Variants in ATG16L2 observed in about 807,000 individuals in gnomAD.
ATG16L2 encodes the protein autophagy related 16 like 2.
ATG16L2 carries 77 observed loss-of-function variants against 84.7 expected under a neutral mutation model. That is an observed-to-expected ratio of 0.91 (90% CI 0.76 to 1.10). The LOEUF (loss-of-function observed/expected upper bound fraction) is 1.10, where lower values mean the gene tolerates loss of function less well. Among genes scored for constraint, ATG16L2 ranks in the 50% least tolerant of loss-of-function variants. The pLI, the probability that ATG16L2 is intolerant of heterozygous loss-of-function variation, is 0.00. For missense variants in ATG16L2, 782 were observed against 817.6 expected (o/e 0.96, Z 0.53); for synonymous variants, 361 against 342.8 (o/e 1.05, Z -0.59).
chr11:72,814,438 G>C lies in ATG16L2; in HGVS notation c.-8G>C. 6.8e-7 allele frequency: 1 copy of C among 1,476,560 alleles called. No individual in the cohort carries two copies. The highest frequency in any genetic ancestry group is 9.0e-7 in the Non-Finnish European group (1 of 1,105,936). 91.5% of individuals were successfully genotyped at this position (1,476,560 alleles called of 1,614,324 possible). On this transcript the variant is annotated 5_prime_UTR_variant, in exon 1 of 18. Coordinates refer to ENST00000321297, the MANE Select transcript of ATG16L2 (RefSeq NM_033388.2). ...GAGGAACGCGCCGCTAGGCGGGAGA[G>C]CGCGGCCATGGCGGGGCCGGGCGTC...
intron 17 of ATG16L2, 141 bp downstream of exon 17, chr11:72,829,125 G>A (rs990522672): frequency 6.4e-6 from 7 of 1,095,780 alleles, no homozygotes; most frequent in African/African-American, 1.6e-5. Context: ...CAGTTCACAA[G>A]GTACTTTCCA....
rs1016014421 is a variant in ATG16L2, at chr11:72,814,873, C to G, written c.118+310C>G. Among the ~76,000 whole-genome samples the G allele has an allele frequency of 2.6e-4, 39 of 152,214 alleles. 2 individuals are homozygous for G. Among genetic ancestry groups the G allele is most frequent in the Admixed American group, 2.6e-3 (39 of 15,292 alleles). ...GTTGGTTTTGCAGGGTCTCTTTTGC[C>G]TCCCCACCCGGGCAGTCCCCGGGGT... On this transcript the variant is annotated intron_variant, in intron 1 of 17. Transcript: ENST00000321297.
chr11:72,827,097 G>T, intron 13 of ATG16L2, 91 bp from the exon 14 acceptor site: 2 of 1,061,796 alleles, frequency 1.9e-6, no homozygotes, highest in Non-Finnish European at 1.4e-6. Context: ...GGAGGACACT[G>T]GGTTCTGGGC....
chr11:72,817,743 G>T lies in ATG16L2; in HGVS notation c.219-13G>T. ...ACCGGGGGACATTGAGCACCACTCT[G>T]ATTGGTTGGCAGGGAGGAGTCAGAG... On this transcript the variant is annotated splice_polypyrimidine_tract_variant and intron_variant, in intron 2 of 17. Transcript: ENST00000321297. 1 of 1,613,404 alleles carries T rather than the reference G, an allele frequency of 6.2e-7. No homozygotes were observed. The highest frequency in any genetic ancestry group is 1.1e-5 in the South Asian group (1 of 91,002).
intron 5 of ATG16L2, chr11:72,836,843 G>A (rs865970391): frequency 2.0e-5 from 3 of 152,386 alleles, no homozygotes; most frequent in Non-Finnish European, 4.4e-5. Context: ...GGCTCCCTCC[G>A]AGCCCTGACC....
intron 11 of ATG16L2, 74 bp downstream of exon 11, chr11:72,826,317 G>A: frequency 6.5e-7 from 1 of 1,532,422 alleles, no homozygotes. Flanking sequence ...GGGGCTGTGG[G>A]ACCTGAGGGC....
chr11:72,836,546 A>G (rs1239464984), intron 5 of ATG16L2, among the ~76,000 whole-genome samples: 1 of 152,048 alleles, frequency 6.6e-6, no homozygotes, highest in Admixed American at 6.6e-5. Context: ...ATTTACTGCC[A>G]TCTCTAGTAC....
downstream of ATG16L2, among the ~76,000 whole-genome samples, chr11:72,832,379 T>C (rs138797856): frequency 5.0e-3 from 768 of 152,112 alleles, 4 homozygotes; most frequent in Middle Eastern, 0.01. Context: ...CCCCTCCCAG[T>C]AGGAGGGGGT....
In ATG16L2 at chr11:72,843,184, G is replaced by T. The variant is rs549243569; in HGVS notation, c.*589G>T. ...TCTCCGTTGAGGCTGCCTGAAACGA[G>T]TTCTGCTTCCGTGGAATTGCTGGAC... On this transcript the variant is annotated 3_prime_UTR_variant, in exon 6 of 6. Coordinates refer to the ATG16L2 transcript ENST00000534905. 8.1e-6 allele frequency: 13 copies of T among 1,613,892 alleles called. No homozygotes were observed. Among genetic ancestry groups the T allele is most frequent in the Non-Finnish European group, 6.8e-6 (8 of 1,179,906 alleles).
intron 5 of ATG16L2, chr11:72,838,515 C>T (rs905985646): frequency 2.0e-6 from 1 of 492,874 alleles, no homozygotes; most frequent in South Asian, 2.2e-5. Context: ...AAACAGACCA[C>T]TGTTAGGCAT....
At chr11:72,815,210 A>G (rs1234450407) in intron 1 of ATG16L2, among the ~76,000 whole-genome samples, 1 of 152,122 alleles carries the variant, frequency 6.6e-6, no homozygotes, top group African/African-American at 2.4e-5. Context: ...TGGCATTTCA[A>G]GAGGGGATGA....
chr11:72,815,197 G>T (rs1859636882), intron 1 of ATG16L2, among the ~76,000 whole-genome samples: 1 of 152,198 alleles, frequency 6.6e-6, no homozygotes, highest in Non-Finnish European at 1.5e-5. Context: ...TCAGGATAGG[G>T]TGTGGCATTT....
chr11:72,830,872 C>T (rs1281376214), downstream of ATG16L2, among the ~76,000 whole-genome samples: 1 of 152,216 alleles, frequency 6.6e-6, no homozygotes, highest in African/African-American at 2.4e-5. Flanking sequence ...TCAAGTGGTC[C>T]TCCTGCCTTA....
Position 72,822,463 on chromosome 11 carries a change from T to C in ATG16L2, c.645-15T>C. 1 of 1,612,712 alleles carries C rather than the reference T, an allele frequency of 6.2e-7. No individual in the cohort carries two copies. Among genetic ancestry groups the C allele is most frequent in the Non-Finnish European group, 8.5e-7 (1 of 1,179,372 alleles). On this transcript the variant is annotated splice_polypyrimidine_tract_variant and intron_variant, in intron 5 of 17. Coordinates refer to ENST00000321297, the MANE Select transcript of ATG16L2 (RefSeq NM_033388.2). This position sits in a 1 kb window ranked among gnomAD's most constrained non-coding sequence, Gnocchi z 4.2. ...GCGCCGCGCCAGGGTCTCAGGATGC[T>C]TTTTACCCAACAAGGGCCAAGCAGG...
At position 72,822,215 on chromosome 11, in the gene ATG16L2, G is replaced by T; in HGVS notation, c.564G>T (p.Ala188=). The change falls in exon 5 of 18, where the codon GCG becomes GCT. Residue 188 remains alanine (A), a synonymous_variant. Transcript: ENST00000321297. This position sits in a 1 kb window ranked among gnomAD's most constrained non-coding sequence, Gnocchi z 4.2. ...EAALRRLQEE[A]RDLLERLVQR... is the part of the protein sequence containing the mutation. ...CACTGCGCAGGCTCCAGGAAGAGGC[G>T]CGCGACCTGCTGGAGAGGCTCGTGC... 7 of 1,505,260 alleles carry T rather than the reference G, an allele frequency of 4.7e-6. No homozygotes were observed. The highest frequency in any genetic ancestry group is 6.2e-6 in the Non-Finnish European group (7 of 1,136,678). The allele number at this position is 1,505,260 out of a possible 1,614,324, so 93.2% of individuals were successfully genotyped here. A position where few individuals can be genotyped will look rare whatever the true frequency, so the allele number is the denominator to read the frequency against.
chr11:72,838,472 C>G, intron 5 of ATG16L2: 1 of 387,820 alleles, frequency 2.6e-6, no homozygotes, highest in Non-Finnish European at 4.8e-6. Context: ...GGACTGTGCC[C>G]TGGAATGAGG....
intron 3 of ATG16L2, chr11:72,821,314 G>C: frequency 9.4e-7 from 1 of 1,064,268 alleles, no homozygotes; most frequent in Non-Finnish European, 1.1e-6. Flanking sequence ...TGCGCGAGGA[G>C]TCCTCGCAGT....
Position 72,822,434 on chromosome 11 carries a change from C to T in ATG16L2, c.645-44C>T. 1.2e-6 allele frequency: 2 copies of T among 1,611,526 alleles called. No homozygotes were observed. Among genetic ancestry groups the T allele is most frequent in the South Asian group, 2.2e-5 (2 of 90,898 alleles). On this transcript the variant is annotated intron_variant, in intron 5 of 17. Coordinates refer to ENST00000321297, the MANE Select transcript of ATG16L2 (RefSeq NM_033388.2). This position sits in a 1 kb window ranked among gnomAD's most constrained non-coding sequence, Gnocchi z 4.2. ...GACCGGGTCTAGCCCCGCCTGCGTG[C>T]GAGGCGCCGCGCCAGGGTCTCAGGA...
At chr11:72,828,071 T>C (rs1860469376) in intron 14 of ATG16L2, among the ~76,000 whole-genome samples, 1 of 152,240 alleles carries the variant, frequency 6.6e-6, no homozygotes, top group Admixed American at 6.5e-5. Context: ...CTCATATTTT[T>C]TAAAGACGAG....
Sources: allele counts gnomAD v4.1 joint callset (sites outside exome capture counted in the v4.1 genomes callset), GRCh38; gene constraint gnomAD v4.1.1; non-coding constraint Gnocchi (gnomAD v3.1); transcripts MANE v1.5; gene names NCBI Gene and HGNC (gene_info 2026-07-23, HGNC 2026-07-21).